XKR6: variants seen among roughly 807,000 people sequenced by gnomAD.
XKR6 encodes XK related 6.
Under a neutral mutation model 56.7 loss-of-function variants are expected in XKR6, and 22 were observed. The ratio of observed to expected loss-of-function variants is 0.39; its 90% CI spans 0.28 to 0.55. The LOEUF (loss-of-function observed/expected upper bound fraction) is 0.55. Ranked by LOEUF, XKR6 falls within the 20% of genes least tolerant of loss-of-function variation. XKR6 has a pLI of 0.66. For synonymous variants in XKR6, 524 were observed against 387.8 expected, an observed-to-expected ratio of 1.35 and a Z score of -4.13; for missense variants, 852 against 889.0, an observed-to-expected ratio of 0.96 and a Z score of 0.53.
At chr8:11,089,384 G>A (rs1797994022) in intron 1 of XKR6, among the ~76,000 whole-genome samples, 2 of 152,172 alleles carry the variant, frequency 1.3e-5, no homozygotes, top group Admixed American at 1.3e-4. Flanking sequence ...TAATCCTAGT[G>A]TTTTAGTAGG....
intron 2 of XKR6, among the ~76,000 whole-genome samples, chr8:10,909,864 T>C (rs2129109807): frequency 6.6e-6 from 1 of 152,302 alleles, no homozygotes; most frequent in South Asian, 2.1e-4. Context: ...CCCATGAGAA[T>C]GCCTGTCAGT....
chr8:11,103,791 ATCATG>A (rs993660091), intron 1 of XKR6, among the ~76,000 whole-genome samples: 1 of 152,212 alleles, frequency 6.6e-6, no homozygotes, highest in Admixed American at 6.5e-5. Flanking sequence ...ACAATTTTTG[ATCATG>A]TCATATTTTA....
At chr8:11,074,879 G>A (rs936256913) in intron 1 of XKR6, among the ~76,000 whole-genome samples, 2 of 152,240 alleles carry the variant, frequency 1.3e-5, no homozygotes, top group Non-Finnish European at 1.5e-5. Flanking sequence ...AAACAGCACT[G>A]AGACCCAGGA....
intron 1 of XKR6, among the ~76,000 whole-genome samples, chr8:10,979,520 T>G (rs1255487781): frequency 6.6e-6 from 1 of 151,976 alleles, no homozygotes; most frequent in Non-Finnish European, 1.5e-5. Context: ...GTCTGGTCCT[T>G]TAGAAAGACC....
intron 1 of XKR6, among the ~76,000 whole-genome samples, chr8:10,939,888 G>A (rs1306650043): frequency 6.6e-6 from 1 of 152,214 alleles, no homozygotes; most frequent in Non-Finnish European, 1.5e-5. Flanking sequence ...TGCATCTCCA[G>A]CTTCTCCCTG....
At position 10,931,721 on chromosome 8, in the gene XKR6, T is replaced by C. The variant is rs530750474; in HGVS notation, c.765-6891A>G. Among the ~76,000 whole-genome samples the C allele has an allele frequency of 2.0e-5, 3 of 152,198 alleles. No individual in the cohort carries two copies. The East Asian group carries it at 5.8e-4, about 29-fold the overall frequency. On this transcript the variant is annotated intron_variant, in intron 1 of 2. Coordinates refer to ENST00000416569, the MANE Select transcript of XKR6 (RefSeq NM_173683.4). ...GCAACAACTAACTTAAAATGTATCA[T>C]AGGTTAACGTGTAAAACCATAAAAC...
intron 1 of XKR6, among the ~76,000 whole-genome samples, chr8:10,974,777 G>A (rs1802504094): frequency 6.6e-6 from 1 of 152,196 alleles, no homozygotes; most frequent in Admixed American, 6.5e-5. Flanking sequence ...AGTAGTGAAG[G>A]AAGCGCACAG....
intron 1 of XKR6, among the ~76,000 whole-genome samples, chr8:11,150,080 G>A (rs1447404338): frequency 6.6e-6 from 1 of 152,172 alleles, no homozygotes; most frequent in East Asian, 1.9e-4. Flanking sequence ...GAGTTGGGTG[G>A]GGGAGAGGGC....
intron 1 of XKR6, among the ~76,000 whole-genome samples, chr8:11,160,217 C>G (rs1176945390): frequency 7.1e-6 from 1 of 140,348 alleles, no homozygotes; most frequent in African/African-American, 2.8e-5. Context: ...AAAGTAAATT[C>G]CTTATTGTTT....
chr8:10,951,006 C>T (rs1801701488), intron 1 of XKR6, among the ~76,000 whole-genome samples: 1 of 152,148 alleles, frequency 6.6e-6, no homozygotes, highest in Non-Finnish European at 1.5e-5. Flanking sequence ...GACTGTGGCC[C>T]CAGAACCTCA....
rs527669640 is a variant in XKR6, at chr8:11,002,047, T to C, written c.765-77217A>G. Among the ~76,000 whole-genome samples the C allele has an allele frequency of 1.9e-3, 279 of 149,580 alleles. 1 individual carries two copies. The highest frequency in any genetic ancestry group is 6.6e-3 in the African/African-American group (266 of 40,110). ...GAAATGCCCTAAGAAGACAAATCCATGTCGTTACCATGTGAGTTAAAAAAA... is the reference window on the plus strand; with the variant it reads ...GAAATGCCCTAAGAAGACAAATCCACGTCGTTACCATGTGAGTTAAAAAAA... On this transcript the variant is annotated intron_variant, in intron 1 of 2. Transcript: ENST00000416569.
intron 1 of XKR6, among the ~76,000 whole-genome samples, chr8:11,040,808 A>G (rs959954162): frequency 1.3e-5 from 2 of 152,250 alleles, no homozygotes; most frequent in South Asian, 2.1e-4. Context: ...CATTTGGGGG[A>G]CATTAACACT....
intron 1 of XKR6, among the ~76,000 whole-genome samples, chr8:10,993,187 T>A (rs1798032087): frequency 6.6e-6 from 1 of 152,240 alleles, no homozygotes; most frequent in African/African-American, 2.4e-5. Context: ...TGACGCCACT[T>A]TTTGGCTGGT....
At chr8:11,117,268 T>C (rs902252600) in intron 1 of XKR6, among the ~76,000 whole-genome samples, 2 of 152,166 alleles carry the variant, frequency 1.3e-5, no homozygotes, top group African/African-American at 2.4e-5. Context: ...TTCTTTCTGC[T>C]CCCAGAACCT....
intron 1 of XKR6, among the ~76,000 whole-genome samples, chr8:11,125,277 G>C (rs1799717791): frequency 6.6e-6 from 1 of 152,050 alleles, no homozygotes; most frequent in Admixed American, 6.6e-5. Flanking sequence ...CTGCAAGAGG[G>C]GCCAGGCAAA....
At chr8:11,124,984 G>C (rs1229441672) in intron 1 of XKR6, among the ~76,000 whole-genome samples, 1 of 150,896 alleles carries the variant, frequency 6.6e-6, no homozygotes, top group African/African-American at 2.4e-5. Context: ...AGCTACTCGG[G>C]AGGCTGAGGC....
At chr8:10,917,788 C>T (rs943102255) in intron 2 of XKR6, among the ~76,000 whole-genome samples, 3 of 152,212 alleles carry the variant, frequency 2.0e-5, no homozygotes, top group African/African-American at 7.2e-5. Context: ...CATCGTGAAC[C>T]TCTCACTAAC....
In XKR6 at chr8:11,038,641, C is replaced by A. The variant is rs549339493; in HGVS notation, c.765-113811G>T. Among the ~76,000 whole-genome samples the A allele has an allele frequency of 3.9e-5, 6 of 151,930 alleles. No individual in the cohort carries two copies. In the South Asian group the frequency reaches 1.3e-3, roughly 32 times the overall value. ...CCTCAAACTACCAGGCTCAGATGAT[C>A]CTCCTGCCTCAGCCTCCTGAGTAGT... On this transcript the variant is annotated intron_variant, in intron 1 of 2. Coordinates refer to ENST00000416569, the MANE Select transcript of XKR6 (RefSeq NM_173683.4).
intron 1 of XKR6, among the ~76,000 whole-genome samples, chr8:11,089,480 TA>T (rs892565133): frequency 2.5e-4 from 38 of 151,734 alleles, no homozygotes; most frequent in African/African-American, 6.0e-4. Flanking sequence ...AAAAACTTGT[TA>T]AAAAAAATAG....
Sources: allele counts gnomAD v4.1 joint callset (sites outside exome capture counted in the v4.1 genomes callset), GRCh38; gene constraint gnomAD v4.1.1; transcripts MANE v1.5; gene names NCBI Gene and HGNC (gene_info 2026-07-23, HGNC 2026-07-21).